The following NREP variants were observed in gnomAD, a reference collection of about 807,000 sequenced individuals.
NREP encodes the protein neuronal regeneration-related protein.
In NREP, 5 loss-of-function variants were observed where a neutral mutation model predicts 8.6. That is an observed-to-expected ratio of 0.58 (90% CI 0.30 to 1.22). The LOEUF is 1.22. NREP is among the 50% of genes most tolerant of loss of function. The probability of loss-of-function intolerance (pLI) is 0.07; values close to 1 mark genes in which losing one functional copy is unlikely to be tolerated. For synonymous variants in NREP, 27 were observed against 28.0 expected (o/e 0.96, Z 0.11); for missense variants, 86 against 82.5 (o/e 1.04, Z -0.17).
intron 2 of NREP, among the ~76,000 whole-genome samples, chr5:111,920,467 G>A (rs1300758465): frequency 6.6e-6 from 1 of 151,962 alleles, no homozygotes; most frequent in East Asian, 1.9e-4. Flanking sequence ...CATTGTCTGA[G>A]GTGTCAGCCG....
chr5:111,873,666 A>G lies in NREP; in HGVS notation c.135+101608T>C, dbSNP rs77944971. On this transcript the variant is annotated intron_variant, in intron 2 of 3. Transcript: ENST00000395634. ...CTTCTGACCTCCTGTTCCATTATTC[A>G]GGACTCATATGATCAGAATGGGCCT... Among the ~76,000 whole-genome samples the G allele has an allele frequency of 4.1e-3, 630 of 152,266 alleles. 3 individuals are homozygous for G. The highest frequency in any genetic ancestry group is 0.014 in the African/African-American group (579 of 41,560).
chr5:111,976,431 A>G (rs939477337), intron 1 of NREP, among the ~76,000 whole-genome samples: 3 of 152,342 alleles, frequency 2.0e-5, no homozygotes, highest in South Asian at 4.1e-4. Flanking sequence ...GCTGAGGCTC[A>G]GCCTCCTTGG....
At position 111,934,967 on chromosome 5, in the gene NREP, C is replaced by T. The variant is rs540161695; in HGVS notation, c.135+40307G>A. 7.3e-5 allele frequency among the ~76,000 whole-genome samples: 11 copies of T among 150,678 alleles called. No individual in the cohort carries two copies. In the East Asian group the frequency reaches 1.4e-3, roughly 19 times the overall value. Reference sequence around the variant, plus strand: ...GAAGAACACATTCTGGATCCAGATCCGAAACATAGTAGGGTGGGTGGGGCA... The same window carrying T: ...GAAGAACACATTCTGGATCCAGATCTGAAACATAGTAGGGTGGGTGGGGCA... On this transcript the variant is annotated intron_variant, in intron 2 of 3. Coordinates refer to the NREP transcript ENST00000395634.
chr5:111,839,724 T>C (rs1254756086), intron 2 of NREP, among the ~76,000 whole-genome samples: 4 of 152,124 alleles, frequency 2.6e-5, no homozygotes, highest in African/African-American at 9.7e-5. Context: ...CAAAAGTTGT[T>C]ATAATAATAT....
intron 2 of NREP, among the ~76,000 whole-genome samples, chr5:111,964,970 A>G (rs764162478): frequency 1.9e-4 from 29 of 151,604 alleles, no homozygotes; most frequent in Non-Finnish European, 2.9e-4. Flanking sequence ...AGAAGTCCAG[A>G]CGTAAGGAAA....
intron 2 of NREP, among the ~76,000 whole-genome samples, chr5:111,867,103 A>T (rs1753684458): frequency 6.6e-6 from 1 of 152,120 alleles, no homozygotes; most frequent in African/African-American, 2.4e-5. Context: ...TACGTAACTA[A>T]CCTGCACGTT....
chr5:111,776,548 T>G (rs957749622), intron 2 of NREP, among the ~76,000 whole-genome samples: 3 of 152,150 alleles, frequency 2.0e-5, no homozygotes, highest in Non-Finnish European at 4.4e-5. Context: ...AAATAGCCCT[T>G]AACTGGAAAC....
At chr5:111,941,970 A>T (rs1234034151) in intron 2 of NREP, among the ~76,000 whole-genome samples, 1 of 152,042 alleles carries the variant, frequency 6.6e-6, no homozygotes, top group Admixed American at 6.6e-5. Context: ...TGGACTCTGA[A>T]TTAGATTTTT....
At chr5:111,885,228 G>T (rs2112523269) in intron 2 of NREP, among the ~76,000 whole-genome samples, 1 of 151,520 alleles carries the variant, frequency 6.6e-6, no homozygotes, top group South Asian at 2.1e-4. Context: ...ATTCACAATT[G>T]CTTCAAAGAG....
intron 2 of NREP, among the ~76,000 whole-genome samples, chr5:111,933,171 T>C (rs146280767): frequency 1.1e-4 from 16 of 152,228 alleles, no homozygotes; most frequent in Non-Finnish European, 1.0e-4. Context: ...ATGTATGCAA[T>C]TGGATATATA....
chr5:111,967,524 T>C (rs1404976940), intron 2 of NREP, among the ~76,000 whole-genome samples: 8 of 152,198 alleles, frequency 5.3e-5, no homozygotes, highest in African/African-American at 1.4e-4. Flanking sequence ...TCCATCAAGA[T>C]TGATTTTTCA....
At chr5:111,818,664 G>A (rs1230931943) in intron 2 of NREP, among the ~76,000 whole-genome samples, 1 of 152,200 alleles carries the variant, frequency 6.6e-6, no homozygotes, top group Non-Finnish European at 1.5e-5. Flanking sequence ...AACACCAACT[G>A]AAGAACTGTG....
intron 2 of NREP, among the ~76,000 whole-genome samples, chr5:111,873,099 T>C (rs1753826507): frequency 6.6e-6 from 1 of 152,198 alleles, no homozygotes; most frequent in Non-Finnish European, 1.5e-5. Context: ...CCTACCTCAA[T>C]TGCTGTTGTG....
At chr5:111,871,725 C>T (rs1157236456) in intron 2 of NREP, among the ~76,000 whole-genome samples, 2 of 151,504 alleles carry the variant, frequency 1.3e-5, no homozygotes, top group Middle Eastern at 3.4e-3. Context: ...TTAGCCCAGG[C>T]CTACGGTTGG....
At chr5:111,944,462 C>A (rs1465232887) in intron 2 of NREP, among the ~76,000 whole-genome samples, 2 of 152,154 alleles carry the variant, frequency 1.3e-5, no homozygotes, top group African/African-American at 2.4e-5. Context: ...CATGTACCAC[C>A]ATGCCTGAAT....
intron 2 of NREP, among the ~76,000 whole-genome samples, chr5:111,800,592 A>C (rs1390404669): frequency 3.3e-5 from 5 of 152,236 alleles, no homozygotes; most frequent in African/African-American, 1.2e-4. Flanking sequence ...ATGAAGCTCC[A>C]TTAGCCCAGA....
At position 111,762,927 on chromosome 5, in the gene NREP, T is replaced by C. The variant is rs374546354; in HGVS notation, c.136-27420A>G. On this transcript the variant is annotated intron_variant, in intron 2 of 3. Coordinates refer to the NREP transcript ENST00000395634. The stretch of plus-strand genomic sequence containing the variant: ...GAAGAGCCTGAAGCTAAAGAAGTTA[T>C]ACGTCCAGGGCTTTATCCAAACCCA... 1.0e-3 allele frequency among the ~76,000 whole-genome samples: 152 copies of C among 152,340 alleles called. 2 individuals carry two copies. The highest frequency in any genetic ancestry group is 2.8e-3 in the African/African-American group (116 of 41,576).
At chr5:111,834,680 G>T (rs1752852170) in intron 2 of NREP, among the ~76,000 whole-genome samples, 1 of 152,082 alleles carries the variant, frequency 6.6e-6, no homozygotes, top group African/African-American at 2.4e-5. Flanking sequence ...AGCCAGTTTT[G>T]CCCATTACTG....
intron 2 of NREP, among the ~76,000 whole-genome samples, chr5:111,944,000 T>C (rs961766203): frequency 2.0e-5 from 3 of 152,122 alleles, no homozygotes; most frequent in Non-Finnish European, 4.4e-5. Flanking sequence ...TTGAGAGAGC[T>C]GATGAATATT....
Sources: allele counts gnomAD v4.1 joint callset (sites outside exome capture counted in the v4.1 genomes callset), GRCh38; gene constraint gnomAD v4.1.1; transcripts MANE v1.5; gene names NCBI Gene and HGNC (gene_info 2026-07-23, HGNC 2026-07-21).